Variants in KIF13B observed in about 807,000 individuals in gnomAD.
The protein encoded by KIF13B is kinesin-like protein KIF13B.
Under a neutral mutation model 222.0 loss-of-function variants are expected in KIF13B, and 127 were observed. The observed-to-expected ratio is 0.57, with a 90% CI of 0.50 to 0.66. KIF13B has a LOEUF of 0.66. Among genes scored for constraint, KIF13B ranks in the 30% least tolerant of loss-of-function variants. The pLI is 0.00. For missense variants in KIF13B, 2,173 were observed against 2,379.0 expected, an observed-to-expected ratio of 0.91 and a Z score of 1.80; for synonymous variants, 976 against 919.0, an observed-to-expected ratio of 1.06 and a Z score of -1.12.
chr8:29,234,867 C>T (rs531596178), intron 2 of KIF13B, among the ~76,000 whole-genome samples: 167 of 152,100 alleles, frequency 1.1e-3, no homozygotes, highest in African/African-American at 3.9e-3. Context: ...AGCTGGGAGC[C>T]GGAAGAGGGC....
At chr8:29,189,129 A>G (rs1286741481) in intron 4 of KIF13B, among the ~76,000 whole-genome samples, 1 of 152,200 alleles carries the variant, frequency 6.6e-6, no homozygotes, top group Admixed American at 6.5e-5. Context: ...TAAAGAACAG[A>G]GTCAAATTCT....
chr8:29,236,673 C>T (rs1410597916), intron 2 of KIF13B, among the ~76,000 whole-genome samples: 3 of 151,994 alleles, frequency 2.0e-5, no homozygotes, highest in Middle Eastern at 3.2e-3. Context: ...ATATAAATTA[C>T]GTTTGATAGA....
In KIF13B at chr8:29,071,304, G is replaced by A. The variant is rs1277615433; in HGVS notation, c.5218+316C>T. Among the ~76,000 whole-genome samples the A allele has an allele frequency of 1.3e-5, 2 of 152,306 alleles. No homozygotes were observed. The highest frequency in any genetic ancestry group is 1.9e-4 in the East Asian group (1 of 5,180). ...CAAAGGGGAGATGCTCTAAGGTGAA[G>A]GATGAGAAAGCAGAGCCCAGGGAGT... is the stretch of plus-strand genomic sequence containing the variant. On this transcript the variant is annotated intron_variant, in intron 39 of 39. Transcript: ENST00000524189. This position sits in a 1 kb window ranked among gnomAD's most constrained non-coding sequence, Gnocchi z 4.9.
intron 10 of KIF13B, among the ~76,000 whole-genome samples, chr8:29,170,834 T>C (rs1812205673): frequency 6.6e-6 from 1 of 152,210 alleles, no homozygotes; most frequent in Admixed American, 6.5e-5. Flanking sequence ...TCCCAACACT[T>C]TGGGAGGCCA....
At chr8:29,205,905 A>G (rs1182811129) in intron 2 of KIF13B, among the ~76,000 whole-genome samples, 1 of 121,376 alleles carries the variant, frequency 8.2e-6, no homozygotes, top group Non-Finnish European at 1.7e-5. Context: ...TAACATAGCA[A>G]AACTCCATTT....
At position 29,169,931 on chromosome 8, in the gene KIF13B, G is replaced by A. The variant is rs1027463706; in HGVS notation, c.946-2346C>T. On this transcript the variant is annotated intron_variant, in intron 10 of 39. Transcript: ENST00000524189. ...TCTCAGCTGAAAGGGGATTTGTAAC[G>A]ATAACTACCAAAGGAGAAAAGCATG... Among the ~76,000 whole-genome samples, 4 of 152,178 alleles carry A rather than the reference G, an allele frequency of 2.6e-5. No homozygotes were observed. In the East Asian group the frequency reaches 5.8e-4, roughly 22 times the overall value.
At chr8:29,220,233 T>C (rs1377125281) in intron 2 of KIF13B, among the ~76,000 whole-genome samples, 1 of 152,204 alleles carries the variant, frequency 6.6e-6, no homozygotes, top group East Asian at 1.9e-4. Flanking sequence ...TCTTCTTTTG[T>C]ATAGTTAATG....
At chr8:29,118,224 C>T (rs1809693399) in intron 30 of KIF13B, among the ~76,000 whole-genome samples, 1 of 151,616 alleles carries the variant, frequency 6.6e-6, no homozygotes, top group South Asian at 2.1e-4. Flanking sequence ...GGCACAGTGG[C>T]TCACACCTGT....
chr8:29,073,090 T>TACGAGGAGGGGG (rs1563678205), intron 38 of KIF13B, among the ~76,000 whole-genome samples: 4 of 31,196 alleles, frequency 1.3e-4, no homozygotes, highest in South Asian at 2.2e-3. Flanking sequence ...CGAGGAGGGG[T>TACGAGGAGGGGG]ATGAGGAGGG....
rs767496653 is a variant in KIF13B at position 29,070,458 on chromosome 8, A to C, written c.*46T>G. 2.5e-6 allele frequency: 4 copies of C among 1,595,752 alleles called. No homozygotes were observed. Among genetic ancestry groups the C allele is most frequent in the South Asian group, 1.1e-5 (1 of 88,702 alleles). On this transcript the variant is annotated 3_prime_UTR_variant, in exon 40 of 40. Coordinates refer to ENST00000524189, the MANE Select transcript of KIF13B (RefSeq NM_015254.4). The surrounding 1 kb of genome is among the most constrained non-coding windows in gnomAD (Gnocchi z 4.1). ...CTCAGGGCTGTCACTGGCAGGGCTC[A>C]AAAGGGGCCGGGCACCCCCAGAAAA... is the stretch of plus-strand genomic sequence containing the variant.
rs763946380 is a variant in KIF13B at position 29,186,375 on chromosome 8, T to G, written c.414A>C (p.Glu138Asp). Residue 138 changes from glutamate to aspartate, a missense_variant, in exon 6 of 40, where the codon GAA (glutamate) becomes GAC (aspartate). Glu to Asp is a conservative substitution (Grantham distance 45). This residue lies in a region of KIF13B where 1,480 missense variants were observed against 1,722.8 expected (regional missense o/e 0.86). Coordinates refer to ENST00000524189, the MANE Select transcript of KIF13B (RefSeq NM_015254.4). ...SGLFERTQKE[E>D]NEEQSFKVEV... ...CTACTTTAAAACTCTGTTCTTCATT[T>G]TCCTCTTTCTGAGTTCGTTCAAAGA... 1.3e-5 allele frequency: 21 copies of G among 1,613,838 alleles called. No individual in the cohort carries two copies. In the South Asian group the frequency reaches 2.2e-4, roughly 17 times the overall value.
Position 29,146,251 on chromosome 8 carries a change from A to G in KIF13B, c.2187+127T>C, listed in dbSNP as rs1029211495. ...AAGGAAGTCAATTCTACCCAAAAGC[A>G]TGGAGGACAAAGGATCTGGACTTGG... On this transcript the variant is annotated intron_variant, in intron 18 of 39. Transcript: ENST00000524189. 1.2e-5 allele frequency: 11 copies of G among 910,880 alleles called. No homozygotes were observed. In the East Asian group the frequency reaches 2.7e-4, roughly 22 times the overall value. The allele number at this position is 910,880 out of a possible 1,614,324, so 56.4% of individuals were successfully genotyped here.
At chr8:29,196,083 A>G in intron 3 of KIF13B, 104 bp downstream of exon 3, 1 of 1,029,238 alleles carries the variant, frequency 9.7e-7, no homozygotes, top group Non-Finnish European at 1.4e-6. Flanking sequence ...TACTTGTACA[A>G]AATGATAGAA....
chr8:29,136,799 T>G (rs1487071425), intron 21 of KIF13B, among the ~76,000 whole-genome samples: 1 of 143,100 alleles, frequency 7.0e-6, no homozygotes, highest in Non-Finnish European at 1.5e-5. Context: ...TAACAGGTTT[T>G]TTTTTTTTTT....
At chr8:29,091,308 G>A (rs775049300) in intron 37 of KIF13B, among the ~76,000 whole-genome samples, 25 of 152,224 alleles carry the variant, frequency 1.6e-4, no homozygotes, top group Non-Finnish European at 2.9e-4. Context: ...AGCAGGTGAT[G>A]TGACTTGCTA....
Position 29,191,830 on chromosome 8 carries a change from G to T in KIF13B, c.163-773C>A, listed in dbSNP as rs923971384. Among the ~76,000 whole-genome samples, 3 of 152,112 alleles carry T rather than the reference G, an allele frequency of 2.0e-5. No individual in the cohort carries two copies. The East Asian group carries it at 5.8e-4, about 29-fold the overall frequency. ...CACTGACTGCATCTTTCACTTTTTC[G>T]ATTTCTGTCAGTTTGAAATCTACTT... On this transcript the variant is annotated intron_variant, in intron 3 of 39. Transcript: ENST00000524189.
intron 37 of KIF13B, among the ~76,000 whole-genome samples, chr8:29,076,436 C>T (rs942595480): frequency 4.0e-4 from 61 of 152,358 alleles, no homozygotes; most frequent in Middle Eastern, 3.4e-3. Flanking sequence ...TCCCAGCCCT[C>T]GGCAGTCCTG....
chr8:29,249,929 A>G, intron 1 of KIF13B: 1 of 729,110 alleles, frequency 1.4e-6, no homozygotes, highest in Non-Finnish European at 2.1e-6. Flanking sequence ...TATCACAGAA[A>G]TGCTGCAAGA....
intron 1 of KIF13B, among the ~76,000 whole-genome samples, chr8:29,255,310 A>G (rs1816435231): frequency 1.3e-5 from 2 of 152,290 alleles, no homozygotes; most frequent in East Asian, 1.9e-4. Context: ...AAAACTCGGA[A>G]TGGATGACCC....
Sources: allele counts gnomAD v4.1 joint callset (sites outside exome capture counted in the v4.1 genomes callset), GRCh38; gene constraint gnomAD v4.1.1; regional missense constraint gnomAD v4.1.1; non-coding constraint Gnocchi (gnomAD v3.1); transcripts MANE v1.5; gene names NCBI Gene and HGNC (gene_info 2026-07-23, HGNC 2026-07-21).